The following PYY variants were observed in gnomAD, a reference collection of about 807,000 sequenced individuals.
PYY encodes peptide tyrosine tyrosine.
In PYY, 12 loss-of-function variants were observed where a neutral mutation model predicts 10.3. The ratio of observed to expected loss-of-function variants is 1.17; its 90% CI spans 0.75 to 1.89. PYY has a LOEUF of 1.89. PYY is among the 40% of genes most tolerant of loss of function. The probability of loss-of-function intolerance (pLI) is 0.00; values close to 1 mark genes in which losing one functional copy is unlikely to be tolerated. For missense variants in PYY, 141 were observed against 134.0 expected (o/e 1.05, Z -0.26); for synonymous variants, 66 against 62.0 (o/e 1.06, Z -0.30).
chr17:43,953,045 T>C, intron 3 of PYY, 64 bp downstream of exon 3: 9 of 1,592,164 alleles, frequency 5.7e-6, no homozygotes, highest in Non-Finnish European at 7.7e-6. Context: ...CGTTAAGTGA[T>C]GTTGCCAGGG....
In PYY at chr17:43,953,377, G is replaced by A. The variant is rs1490053157; in HGVS notation, c.107C>T (p.Pro36Leu). Reference protein sequence around the residue: ...VDAYPIKPEAPREDASPEELN... With the variant: ...VDAYPIKPEALREDASPEELN... The stretch of plus-strand genomic sequence containing the variant: ...CTCCTCCGGCGAGGCGTCTTCGCGG[G>A]GAGCCTCGGGTTTGATGGGGTAGGC... The change falls in exon 2 of 4, where the codon CCC becomes CTC. Residue 36 changes from proline (P) to leucine (L), a missense_variant. Pro to Leu is a moderately conservative substitution (Grantham distance 98, BLOSUM62 -3). Coordinates refer to ENST00000692052, the MANE Select transcript of PYY (RefSeq NM_001394028.1). The A allele has an allele frequency of 2.5e-6, 4 of 1,612,326 alleles. No individual in the cohort carries two copies. Among genetic ancestry groups the A allele is most frequent in the Non-Finnish European group, 3.4e-6 (4 of 1,179,386 alleles).
intron 2 of PYY, among the ~76,000 whole-genome samples, chr17:43,960,080 A>AC (rs1237814705): frequency 1.1e-4 from 17 of 152,240 alleles, no homozygotes; most frequent in Admixed American, 2.6e-4. Context: ...ATATTCATGC[A>AC]CCCCCCCTTA....
At chr17:43,967,347 C>G (rs2048761671) in intron 1 of PYY, among the ~76,000 whole-genome samples, 1 of 152,132 alleles carries the variant, frequency 6.6e-6, no homozygotes, top group Non-Finnish European at 1.5e-5. Flanking sequence ...ACACTATGCA[C>G]TCTCCCTTCA....
intron 2 of PYY, among the ~76,000 whole-genome samples, chr17:43,960,003 G>A (rs978584086): frequency 6.6e-6 from 1 of 152,206 alleles, no homozygotes; most frequent in Non-Finnish European, 1.5e-5. Context: ...CATCTGATGT[G>A]ATACTGGCAT....
At chr17:43,978,446 A>G (rs918375198) in intron 1 of PYY, among the ~76,000 whole-genome samples, 1 of 152,160 alleles carries the variant, frequency 6.6e-6, no homozygotes, top group Non-Finnish European at 1.5e-5. Flanking sequence ...GTTTGAGCCC[A>G]GGAGTTAAAG....
intron 1 of PYY, among the ~76,000 whole-genome samples, chr17:43,991,789 T>C (rs937204953): frequency 1.3e-5 from 2 of 151,222 alleles, no homozygotes; most frequent in African/African-American, 4.9e-5. Flanking sequence ...GCTACTGCAC[T>C]CTAGCCTGGG....
In PYY at chr17:43,995,466, G is replaced by A. The variant is rs576170416; in HGVS notation, c.-463+8925C>T. On this transcript the variant is annotated intron_variant, in intron 1 of 6. Transcript: ENST00000360085. ...CTGCCTCAGCCTCCCGAGTAGCTGG[G>A]ACCACAGATGGTTATAACAATACCT... 2.0e-5 allele frequency among the ~76,000 whole-genome samples: 3 copies of A among 151,884 alleles called. No individual in the cohort carries two copies. In the East Asian group the frequency reaches 5.9e-4, roughly 30 times the overall value.
At chr17:43,964,409 A>C (rs557398922) in intron 2 of PYY, among the ~76,000 whole-genome samples, 1 of 152,338 alleles carries the variant, frequency 6.6e-6, no homozygotes, top group South Asian at 2.1e-4. Context: ...AAATGACTAG[A>C]AAAACATTGA....
intron 1 of PYY, among the ~76,000 whole-genome samples, chr17:44,003,602 C>A (rs937019187): frequency 6.9e-6 from 1 of 145,306 alleles, no homozygotes; most frequent in African/African-American, 2.5e-5. Context: ...TTACAGTGAG[C>A]CGAGATCGCA....
intron 2 of PYY, among the ~76,000 whole-genome samples, chr17:43,965,789 CAAAAAAAA>C (rs67609128): frequency 1.4e-3 from 44 of 31,926 alleles, no homozygotes; most frequent in East Asian, 6.2e-3. Context: ...ATCCATCTCA[CAAAAAAAA>C]AAAAAAAAAA....
chr17:43,987,907 G>C lies in PYY; in HGVS notation c.-463+16484C>G, dbSNP rs1642594. On this transcript the variant is annotated intron_variant, in intron 1 of 6. Transcript: ENST00000360085. This position sits in a 1 kb window ranked among gnomAD's most constrained non-coding sequence, Gnocchi z 4.0. ...TCGGTAGCAGGGAGGGGCAGAGAGC[G>C]GTGGGACATATGCCTCCATCTGTCC... is the stretch of plus-strand genomic sequence containing the variant. 6.6e-6 allele frequency among the ~76,000 whole-genome samples: 1 copy of C among 152,072 alleles called. No homozygotes were observed. The highest frequency in any genetic ancestry group is 2.4e-5 in the African/African-American group (1 of 41,364).
At chr17:44,001,537 C>A (rs2049026874) in intron 1 of PYY, among the ~76,000 whole-genome samples, 2 of 152,162 alleles carry the variant, frequency 1.3e-5, no homozygotes, top group African/African-American at 4.8e-5. Context: ...CAGTCCCCAA[C>A]CAGAGGAGAG....
chr17:43,972,386 A>AT (rs1408809163), intron 1 of PYY, among the ~76,000 whole-genome samples: 2 of 150,874 alleles, frequency 1.3e-5, no homozygotes, highest in Non-Finnish European at 3.0e-5. Context: ...CTAATTTTGT[A>AT]TTTTTTTTAG....
chr17:43,963,600 A>AAG (rs757900283), intron 2 of PYY, among the ~76,000 whole-genome samples: 46 of 85,854 alleles, frequency 5.4e-4, no homozygotes, highest in Non-Finnish European at 6.0e-4. Flanking sequence ...GAAAGAAAGA[A>AAG]AGAAAGAAAG....
chr17:43,966,736 T>C (rs2048757880), intron 1 of PYY, among the ~76,000 whole-genome samples: 1 of 152,244 alleles, frequency 6.6e-6, no homozygotes, highest in Non-Finnish European at 1.5e-5. Context: ...GTTGTCTGAC[T>C]ACTAGAATGG....
rs2048643450 is a variant in PYY, at chr17:43,953,146, A to C, written c.232T>G (p.Phe78Val). The C allele has an allele frequency of 4.3e-6, 7 of 1,613,806 alleles. No homozygotes were observed. Among genetic ancestry groups the C allele is most frequent in the Non-Finnish European group, 5.9e-6 (7 of 1,179,848 alleles). ...DGPDTLLSKT[F>V]FPDGEDRPVR... The stretch of plus-strand genomic sequence containing the variant: ...GGGCGGTCCTCGCCGTCGGGGAAGA[A>C]CGTTTTGGAAAGAAGCGTGTCCGGG... Residue 78 changes from phenylalanine (F) to valine (V), a missense_variant, in exon 3 of 4, where the codon TTC (phenylalanine) becomes GTC (valine). Transcript: ENST00000692052.
chr17:43,955,146 C>A (rs541382118), upstream of PYY, among the ~76,000 whole-genome samples: 1 of 152,162 alleles, frequency 6.6e-6, no homozygotes, highest in Admixed American at 6.5e-5. Context: ...CTCTGAGAGG[C>A]GGAGTAGGGG....
In PYY at chr17:43,965,817, AG is replaced by A. The variant is rs1332294995; in HGVS notation, c.-218+470del. Among the ~76,000 whole-genome samples the A allele has an allele frequency of 4.0e-3, 511 of 128,378 alleles. 13 individuals carry two copies. The highest frequency in any genetic ancestry group is 0.013 in the Middle Eastern group (3 of 232). The allele number at this position is 128,378 out of a possible 152,430, so 84.2% of individuals were successfully genotyped here. On this transcript the variant is annotated intron_variant, in intron 2 of 6. Transcript: ENST00000360085. ...AAAAAAAAAAAAAAAAAAAAAAAAA[AG>A]AGAGAGAAACAAGTAAAATTATATT...
intron 1 of PYY, among the ~76,000 whole-genome samples, chr17:43,971,660 G>T (rs1170135520): frequency 6.7e-6 from 1 of 149,068 alleles, no homozygotes. Context: ...ATCCTCCTTG[G>T]TGCAGTGTCT....
Sources: gnomAD v4.1 joint callset for allele counts (sites outside exome capture counted in the v4.1 genomes callset) on GRCh38, gnomAD v4.1.1 for gene constraint, Gnocchi (gnomAD v3.1) non-coding constraint, MANE v1.5 for transcripts, NCBI Gene and HGNC (gene_info 2026-07-23, HGNC 2026-07-21) for gene names.